Variants in SHANK2 observed in about 807,000 individuals in gnomAD.
SHANK2 encodes SH3 and multiple ankyrin repeat domains 2.
SHANK2 carries 43 observed loss-of-function variants against 133.7 expected under a neutral mutation model. That is an observed-to-expected ratio of 0.32 (90% confidence interval 0.25 to 0.41). The LOEUF is 0.41. SHANK2 is among the 10% of genes least tolerant of loss of function. The probability of loss-of-function intolerance (pLI) is 1.00; values close to 1 mark genes in which losing one functional copy is unlikely to be tolerated. For synonymous variants in SHANK2, 1,017 were observed against 952.8 expected, an observed-to-expected ratio of 1.07 and a Z score of -1.24; for missense variants, 1,994 against 2,235.8, an observed-to-expected ratio of 0.89 and a Z score of 2.18.
At chr11:70,545,996 A>C (rs948773905) in intron 17 of SHANK2, among the ~76,000 whole-genome samples, 10 of 152,162 alleles carry the variant, frequency 6.6e-5, no homozygotes, top group Admixed American at 6.5e-4. Context: ...AGGGAAGAGA[A>C]GCTCGGGGCA....
At chr11:70,629,053 G>A (rs573787845) in intron 17 of SHANK2, among the ~76,000 whole-genome samples, 44 of 152,320 alleles carry the variant, frequency 2.9e-4, no homozygotes, top group Non-Finnish European at 5.6e-4. Flanking sequence ...GAGAGGGATG[G>A]TTTCAGGCAT....
At chr11:70,641,438 G>A (rs970202748) in intron 17 of SHANK2, among the ~76,000 whole-genome samples, 3 of 152,204 alleles carry the variant, frequency 2.0e-5, no homozygotes, top group Non-Finnish European at 2.9e-5. Context: ...GGAGGATCCA[G>A]TACAAGGCAT....
At chr11:70,608,008 GA>G (rs2060602657) in intron 17 of SHANK2, among the ~76,000 whole-genome samples, 3 of 152,194 alleles carry the variant, frequency 2.0e-5, no homozygotes, top group Admixed American at 2.0e-4. Flanking sequence ...GGCTTGCCCA[GA>G]GTCACACAGA....
Position 71,175,534 on chromosome 11 carries a change from C to CAGAGGG in SHANK2, c.-12-28202_-12-28197dup, listed in dbSNP as rs879958500. On this transcript the variant is annotated intron_variant, in intron 2 of 25. Coordinates refer to ENST00000601538, the MANE Select transcript of SHANK2 (RefSeq NM_012309.5). The surrounding 1 kb of genome is among the most constrained non-coding windows in gnomAD (Gnocchi z 4.2). ...GGGCAGAAACAGACAGACAGACAGA[C>CAGAGGG]AGAGGGAGAGGGAGAGGGAGAGAGA... Among the ~76,000 whole-genome samples the CAGAGGG allele has an allele frequency of 1.9e-5, 2 of 104,380 alleles. No homozygotes were observed. The highest frequency in any genetic ancestry group is 3.7e-5 in the African/African-American group (1 of 27,250). The allele number at this position is 104,380 out of a possible 152,430, so 68.5% of individuals were successfully genotyped here.
Position 70,487,065 on chromosome 11 carries a change from G to T in SHANK2, c.3228C>A (p.Ser1076Arg), listed in dbSNP as rs1354999073. 6.2e-7 allele frequency: 1 copy of T among 1,609,380 alleles called. No individual in the cohort carries two copies. Among genetic ancestry groups the T allele is most frequent in the South Asian group, 1.1e-5 (1 of 91,036 alleles). The change falls in exon 25 of 26, where the codon AGC (serine) becomes AGA (arginine). Residue 1076 changes from serine to arginine, a missense_variant. By Grantham distance (110) the Ser-to-Arg change is moderately radical. This residue lies in a region of SHANK2 where 488 missense variants were observed against 642.6 expected (regional missense o/e 0.76). Transcript: ENST00000601538. This position sits in a 1 kb window ranked among gnomAD's most constrained non-coding sequence, Gnocchi z 5.8. ...LRPDESLTVS[S>R]PFAAAIAGAV... is the part of the protein sequence containing the mutation. ...CTCCGGCGATGGCGGCGGCAAAGGG[G>T]CTGCTGACGGTCAGGCTTTCGTCAG... is the stretch of plus-strand genomic sequence containing the variant.
chr11:70,677,229 T>A (rs1342413725), intron 15 of SHANK2, among the ~76,000 whole-genome samples: 1 of 152,062 alleles, frequency 6.6e-6, no homozygotes, highest in East Asian at 1.9e-4. Flanking sequence ...TGCTAATGGG[T>A]CCCTCTGCTA....
intron 3 of SHANK2, among the ~76,000 whole-genome samples, chr11:71,130,893 C>G (rs1479205373): frequency 6.6e-6 from 1 of 152,232 alleles, no homozygotes; most frequent in Non-Finnish European, 1.5e-5. Flanking sequence ...TCAGCAAGAA[C>G]TTAGGAAAGC....
chr11:70,946,846 C>T (rs1357358810), intron 10 of SHANK2, among the ~76,000 whole-genome samples: 1 of 140,580 alleles, frequency 7.1e-6, no homozygotes, highest in Admixed American at 7.2e-5. Context: ...CCTTCCCAGG[C>T]TCATCCTCCC....
intron 25 of SHANK2, among the ~76,000 whole-genome samples, chr11:70,478,025 A>G (rs2135690641): frequency 6.6e-6 from 1 of 152,272 alleles, no homozygotes; most frequent in Admixed American, 6.5e-5. Context: ...TGCCTTTTAA[A>G]TCACATTCAT....
chr11:71,124,855 C>T (rs1440407594), intron 3 of SHANK2, among the ~76,000 whole-genome samples: 2 of 152,198 alleles, frequency 1.3e-5, no homozygotes, highest in African/African-American at 2.4e-5. Context: ...AACTCCGCAA[C>T]GAGAAAATCT....
At chr11:70,746,274 A>T (rs548841761) in intron 14 of SHANK2, among the ~76,000 whole-genome samples, 4 of 152,128 alleles carry the variant, frequency 2.6e-5, no homozygotes, top group African/African-American at 9.7e-5. Flanking sequence ...AGGACAGGGA[A>T]GGCTGGGCCT....
chr11:70,835,036 C>A (rs1555059658), intron 11 of SHANK2, among the ~76,000 whole-genome samples: 2 of 152,098 alleles, frequency 1.3e-5, no homozygotes, highest in African/African-American at 4.8e-5. Flanking sequence ...GTGGGTCTGA[C>A]CACAAAGAGA....
At chr11:71,147,545 C>T (rs1393349955) in intron 2 of SHANK2, among the ~76,000 whole-genome samples, 4 of 152,230 alleles carry the variant, frequency 2.6e-5, no homozygotes, top group African/African-American at 7.2e-5. Context: ...CTGCTCCTCC[C>T]TGGAGCTTGA....
At chr11:70,923,173 A>G (rs1950375066) in intron 10 of SHANK2, among the ~76,000 whole-genome samples, 1 of 152,174 alleles carries the variant, frequency 6.6e-6, no homozygotes, top group Admixed American at 6.5e-5. Context: ...AGGGGGTGAT[A>G]ATAGATGATG....
intron 15 of SHANK2, among the ~76,000 whole-genome samples, chr11:70,679,771 C>T (rs922409699): frequency 7.9e-5 from 12 of 152,250 alleles, no homozygotes; most frequent in Admixed American, 6.5e-5. Context: ...CACCGCTGCC[C>T]GCTGCCACAC....
chr11:70,815,263 G>C lies in SHANK2; in HGVS notation c.1493+5101C>G, dbSNP rs114124944. Among the ~76,000 whole-genome samples the C allele has an allele frequency of 3.9e-3, 594 of 151,508 alleles. 3 individuals carry two copies. The highest frequency in any genetic ancestry group is 0.014 in the African/African-American group (566 of 41,194). Reference sequence around the variant, plus strand: ...GAAAATGAGAAGGAGGAGGCACAGGGAGGAAGGAAGAACACAGGCCAAGGG... The same window carrying C: ...GAAAATGAGAAGGAGGAGGCACAGGCAGGAAGGAAGAACACAGGCCAAGGG... On this transcript the variant is annotated intron_variant, in intron 12 of 25. Coordinates refer to ENST00000601538, the MANE Select transcript of SHANK2 (RefSeq NM_012309.5).
chr11:71,091,753 A>T (rs1333240112), intron 8 of SHANK2, among the ~76,000 whole-genome samples: 1 of 152,062 alleles, frequency 6.6e-6, no homozygotes, highest in Non-Finnish European at 1.5e-5. Context: ...CCCCCTCCTC[A>T]GCCCTGGCTC....
At chr11:70,837,073 A>G (rs1948829909) in intron 11 of SHANK2, among the ~76,000 whole-genome samples, 1 of 152,202 alleles carries the variant, frequency 6.6e-6, no homozygotes, top group Admixed American at 6.5e-5. Flanking sequence ...ATTAAGATCC[A>G]ATCAAGGCTG....
chr11:70,853,742 T>G (rs577985124), intron 11 of SHANK2, among the ~76,000 whole-genome samples: 165 of 152,288 alleles, frequency 1.1e-3, no homozygotes, highest in African/African-American at 3.8e-3. Flanking sequence ...TCTCACAATC[T>G]TAGAGGCCAA....
Sources: allele counts gnomAD v4.1 joint callset (sites outside exome capture counted in the v4.1 genomes callset), GRCh38; gene constraint gnomAD v4.1.1; regional missense constraint gnomAD v4.1.1; non-coding constraint Gnocchi (gnomAD v3.1); transcripts MANE v1.5; gene names NCBI Gene and HGNC (gene_info 2026-07-23, HGNC 2026-07-21).